Variants in VSTM4 observed in about 807,000 individuals in gnomAD.
VSTM4 encodes V-set and transmembrane domain containing 4, also known as V-set and transmembrane domain-containing protein 4.
Under a neutral mutation model 36.4 loss-of-function variants are expected in VSTM4, and 20 were observed. That is an observed-to-expected ratio of 0.55 (90% CI 0.39 to 0.80). VSTM4 has a LOEUF of 0.80. Ranked by LOEUF, VSTM4 falls within the 30% of genes least tolerant of loss-of-function variation. The probability of loss-of-function intolerance (pLI) is 0.00; values close to 1 mark genes in which losing one functional copy is unlikely to be tolerated. For missense variants in VSTM4, 392 were observed against 404.5 expected (o/e 0.97, Z 0.26); for synonymous variants, 182 against 173.9 (o/e 1.05, Z -0.37).
At position 49,019,449 on chromosome 10, in the gene VSTM4, A is replaced by T. The variant is rs749573098; in HGVS notation, c.*201T>A. 17 of 535,270 alleles carry T rather than the reference A, an allele frequency of 3.2e-5. No homozygotes were observed. Among genetic ancestry groups the T allele is most frequent in the Non-Finnish European group, 4.8e-5 (17 of 356,774 alleles). 33.2% of individuals were successfully genotyped at this position (535,270 alleles called of 1,614,324 possible). ...ACCCAGGCGCATCTTGTCCCGGGAGATCTGTCAAGAGCTGTGGCCCCGATT... is the reference window on the plus strand; with the variant it reads ...ACCCAGGCGCATCTTGTCCCGGGAGTTCTGTCAAGAGCTGTGGCCCCGATT... On this transcript the variant is annotated 3_prime_UTR_variant, in exon 8 of 8. Transcript: ENST00000332853.
intron 4 of VSTM4, among the ~76,000 whole-genome samples, chr10:49,073,347 G>A (rs1844116300): frequency 6.6e-6 from 1 of 152,210 alleles, no homozygotes; most frequent in Non-Finnish European, 1.5e-5. Context: ...AAGGTACAGG[G>A]CTTAGATTCA....
At chr10:49,103,372 A>C in intron 2 of VSTM4, 1 of 344,898 alleles carries the variant, frequency 2.9e-6, no homozygotes, top group Non-Finnish European at 4.1e-6. Flanking sequence ...TTAGGTTTTA[A>C]ATTTTAATTT....
intron 2 of VSTM4, among the ~76,000 whole-genome samples, chr10:49,088,448 T>G (rs867668035): frequency 2.0e-5 from 3 of 152,220 alleles, no homozygotes; most frequent in Non-Finnish European, 4.4e-5. Flanking sequence ...CCATAGCCCC[T>G]GTAATCTACT....
intron 2 of VSTM4, chr10:49,103,716 T>C (rs1360254088): frequency 6.2e-6 from 10 of 1,610,684 alleles, no homozygotes; most frequent in Non-Finnish European, 8.5e-6. Flanking sequence ...GAGTTTCCAG[T>C]GAAAGACAAG....
intron 3 of VSTM4, among the ~76,000 whole-genome samples, chr10:49,083,677 G>T (rs1322497425): frequency 1.3e-5 from 2 of 152,210 alleles, no homozygotes; most frequent in African/African-American, 4.8e-5. Flanking sequence ...GTTAGGTCGG[G>T]AGTAACCCTG....
intron 5 of VSTM4, among the ~76,000 whole-genome samples, chr10:49,053,195 G>C (rs1287981095): frequency 1.3e-5 from 2 of 152,210 alleles, no homozygotes; most frequent in Non-Finnish European, 2.9e-5. Flanking sequence ...TGTTTGATTA[G>C]AGAGAAGTGC....
chr10:49,047,728 C>T (rs1843635264), intron 6 of VSTM4, among the ~76,000 whole-genome samples: 1 of 152,206 alleles, frequency 6.6e-6, no homozygotes, highest in African/African-American at 2.4e-5. Context: ...CCTCTTTCCA[C>T]TCCATGTGTG....
chr10:49,114,458 C>T (rs779080250), intron 1 of VSTM4, among the ~76,000 whole-genome samples: 1 of 152,182 alleles, frequency 6.6e-6, no homozygotes, highest in Non-Finnish European at 1.5e-5. Flanking sequence ...CCCAGCTCCA[C>T]CACTTACAAG....
At chr10:49,111,290 A>G (rs1171561672) in intron 1 of VSTM4, among the ~76,000 whole-genome samples, 1 of 152,216 alleles carries the variant, frequency 6.6e-6, no homozygotes, top group Admixed American at 6.5e-5. Flanking sequence ...CGCAGTCATC[A>G]GGACCATAGG....
At chr10:49,069,218 A>T (rs763942277) in intron 4 of VSTM4, among the ~76,000 whole-genome samples, 93 of 152,124 alleles carry the variant, frequency 6.1e-4, no homozygotes, top group Admixed American at 1.0e-3. Context: ...GCCCCGTAAC[A>T]GTGTTGGGAC....
In VSTM4 at chr10:49,017,237, T is replaced by C. The variant is rs1843116904; in HGVS notation, c.*2413A>G. 6.6e-6 allele frequency: 1 copy of C among 152,220 alleles called. No individual in the cohort carries two copies. The highest frequency in any genetic ancestry group is 2.1e-4 in the South Asian group (1 of 4,822). 9.4% of individuals were successfully genotyped at this position (152,220 alleles called of 1,614,324 possible). ...ATGGCAATAATGTCAATATATCCTC[T>C]CAAACAAGCACCTGATACAAGTCAT... On this transcript the variant is annotated 3_prime_UTR_variant, in exon 8 of 8. Coordinates refer to ENST00000332853, the MANE Select transcript of VSTM4 (RefSeq NM_001031746.5).
At chr10:49,102,254 A>T (rs1444637290) in intron 2 of VSTM4, 15 of 272,152 alleles carry the variant, frequency 5.5e-5, no homozygotes, top group African/African-American at 3.5e-4. Context: ...TCTTCATCTC[A>T]GCCTCCCGAG....
chr10:49,019,526 G>A lies in VSTM4; in HGVS notation c.*124C>T. 2.2e-6 allele frequency: 3 copies of A among 1,375,040 alleles called. No individual in the cohort carries two copies. The highest frequency in any genetic ancestry group is 1.9e-6 in the Non-Finnish European group (2 of 1,050,370). 85.2% of individuals were successfully genotyped at this position (1,375,040 alleles called of 1,614,324 possible). Reference sequence around the variant, plus strand: ...CTTCAAAGGCACCCAGAATGCTGCTGAAAAGGGGCTCCCCACCACTCAGAA... The same window carrying A: ...CTTCAAAGGCACCCAGAATGCTGCTAAAAAGGGGCTCCCCACCACTCAGAA... On this transcript the variant is annotated 3_prime_UTR_variant, in exon 8 of 8. Coordinates refer to ENST00000332853, the MANE Select transcript of VSTM4 (RefSeq NM_001031746.5).
At chr10:49,020,738 A>AGGAC (rs1843170058) in intron 7 of VSTM4, among the ~76,000 whole-genome samples, 1 of 122,850 alleles carries the variant, frequency 8.1e-6, no homozygotes, top group Non-Finnish European at 1.7e-5. Flanking sequence ...GAAGGAAGGA[A>AGGAC]GGAAGGAAGG....
chr10:49,073,026 T>C (rs924459502), intron 4 of VSTM4, among the ~76,000 whole-genome samples: 1 of 152,246 alleles, frequency 6.6e-6, no homozygotes, highest in African/African-American at 2.4e-5. Flanking sequence ...TTCTTAGTTA[T>C]ACCTTCAAAG....
chr10:49,047,167 C>G lies in VSTM4; in HGVS notation c.776-123G>C, dbSNP rs528807604. ...ACCCCTTCCTGGTCCCATGGAAGAA[C>G]TTTCTGATCTAGGTGTCAGCAAGTG... On this transcript the variant is annotated intron_variant, in intron 6 of 7. Coordinates refer to ENST00000332853, the MANE Select transcript of VSTM4 (RefSeq NM_001031746.5). The G allele has an allele frequency of 9.6e-5, 95 of 992,304 alleles. 1 individual carries two copies. In the Admixed American group the frequency reaches 1.8e-3, roughly 19 times the overall value. The allele number at this position is 992,304 out of a possible 1,614,324, so 61.5% of individuals were successfully genotyped here.
intron 2 of VSTM4, among the ~76,000 whole-genome samples, chr10:49,091,960 GC>G (rs1202342037): frequency 1.3e-5 from 2 of 152,224 alleles, no homozygotes; most frequent in Non-Finnish European, 2.9e-5. Context: ...AAGTGGTGGG[GC>G]CCTGGCGGGC....
At chr10:49,031,285 T>TACTTCACC (rs1013785146) in intron 7 of VSTM4, among the ~76,000 whole-genome samples, 8 of 152,194 alleles carry the variant, frequency 5.3e-5, no homozygotes, top group African/African-American at 1.9e-4. Context: ...TCGGACGAGG[T>TACTTCACC]ACTTCACCTC....
At position 49,018,460 on chromosome 10, in the gene VSTM4, T is replaced by C. The variant is rs1843133629; in HGVS notation, c.*1190A>G. 1.3e-5 allele frequency: 2 copies of C among 152,176 alleles called. No individual in the cohort carries two copies. Among genetic ancestry groups the C allele is most frequent in the Admixed American group, 1.3e-4 (2 of 15,278 alleles). The allele number at this position is 152,176 out of a possible 1,614,324, so 9.4% of individuals were successfully genotyped here. On this transcript the variant is annotated 3_prime_UTR_variant, in exon 8 of 8. Coordinates refer to ENST00000332853, the MANE Select transcript of VSTM4 (RefSeq NM_001031746.5). ...ATACCCCAGCTGTGTTTAAAATAGA[T>C]AATTTATCATATATACATGGTCCAC...
Sources: allele counts gnomAD v4.1 joint callset (sites outside exome capture counted in the v4.1 genomes callset), GRCh38; gene constraint gnomAD v4.1.1; transcripts MANE v1.5; gene names NCBI Gene and HGNC (gene_info 2026-07-23, HGNC 2026-07-21).